Variants in CNIH3 observed in about 807,000 individuals in gnomAD.
CNIH3 encodes protein cornichon homolog 3.
In CNIH3, 14 loss-of-function variants were observed where a neutral mutation model predicts 24.1. That is an observed-to-expected ratio of 0.58 (90% CI 0.38 to 0.91). The LOEUF is 0.91. Ranked by LOEUF, CNIH3 falls within the 40% of genes least tolerant of loss-of-function variation. The pLI is 0.00. For synonymous variants in CNIH3, 68 were observed against 73.8 expected, an observed-to-expected ratio of 0.92 and a Z score of 0.40; for missense variants, 178 against 196.8, an observed-to-expected ratio of 0.90 and a Z score of 0.57.
chr1:224,687,745 C>T (rs376586894), intron 3 of CNIH3, among the ~76,000 whole-genome samples: 14 of 152,280 alleles, frequency 9.2e-5, no homozygotes, highest in South Asian at 8.3e-4. Flanking sequence ...TACACTGAGA[C>T]GGTGGGAGTT....
intron 1 of CNIH3, among the ~76,000 whole-genome samples, chr1:224,482,912 G>A (rs1178984499): frequency 2.0e-5 from 3 of 152,160 alleles, no homozygotes; most frequent in Admixed American, 6.5e-5. Context: ...TGAAATTCAA[G>A]TTCTGACCAG....
At chr1:224,727,256 T>C (rs892332749) in intron 3 of CNIH3, among the ~76,000 whole-genome samples, 2 of 152,140 alleles carry the variant, frequency 1.3e-5, no homozygotes, top group Non-Finnish European at 2.9e-5. Context: ...TCATATGAGA[T>C]AGGTTAAATC....
chr1:224,434,812 C>T (rs1316304735), exon 1 of CNIH3: 4 of 986,020 alleles, frequency 4.1e-6, no homozygotes, highest in Non-Finnish European at 4.8e-6. Flanking sequence ...TCCAGGCGCT[C>T]GCGTCACAGG....
chr1:224,518,503 T>C (rs7418904), intron 1 of CNIH3, among the ~76,000 whole-genome samples: 34,122 of 148,210 alleles, frequency 0.23, 4,148 homozygotes, highest in African/African-American at 0.33. Flanking sequence ...TTTGAAGCCT[T>C]TTTTTTTTTT....
intron 1 of CNIH3, among the ~76,000 whole-genome samples, chr1:224,470,466 C>T (rs930583160): frequency 3.3e-5 from 5 of 151,940 alleles, no homozygotes; most frequent in African/African-American, 1.2e-4. Flanking sequence ...AGGTGTGTGC[C>T]ACCAGGCCCA....
In CNIH3 at chr1:224,730,524, G is replaced by C; in HGVS notation, c.261G>C (p.Glu87Asp). 1 of 1,561,936 alleles carries C rather than the reference G, an allele frequency of 6.4e-7. No individual in the cohort carries two copies. The highest frequency in any genetic ancestry group is 1.3e-5 in the African/African-American group (1 of 74,136). ...LFCIMFLCAQ[E>D]WLTLGLNVPL... is the part of the protein sequence containing the mutation. ...GCATTATGTTCCTGTGTGCGCAAGA[G>C]TGGCTCACGCTGGGGCTGAATGTCC... Residue 87 changes from glutamate to aspartate, a missense_variant, in exon 4 of 6, where the codon GAG becomes GAC. Coordinates refer to ENST00000272133, the MANE Select transcript of CNIH3 (RefSeq NM_152495.2).
At chr1:224,564,664 C>T (rs1680507803) in intron 3 of CNIH3, among the ~76,000 whole-genome samples, 2 of 152,256 alleles carry the variant, frequency 1.3e-5, no homozygotes, top group Admixed American at 6.5e-5. Flanking sequence ...CTGGGGTTTA[C>T]ATGCTTTGGA....
intron 1 of CNIH3, among the ~76,000 whole-genome samples, chr1:224,632,954 C>T (rs1343759557): frequency 6.6e-6 from 1 of 152,156 alleles, no homozygotes; most frequent in Non-Finnish European, 1.5e-5. Flanking sequence ...CTGCATCCCC[C>T]TGGACCTTTT....
At chr1:224,513,922 G>A (rs892838488), upstream of CNIH3, 4 of 152,234 alleles carry the variant, frequency 2.6e-5, no homozygotes, top group East Asian at 5.8e-4. Flanking sequence ...GTTTCTGCCG[G>A]GAGAGGGCGT....
intron 1 of CNIH3, among the ~76,000 whole-genome samples, chr1:224,506,483 T>C (rs1677924811): frequency 6.6e-6 from 1 of 152,232 alleles, no homozygotes; most frequent in South Asian, 2.1e-4. Context: ...GAGGATCTGC[T>C]GGCAGTCCCC....
chr1:224,719,414 A>G (rs1481086930), intron 3 of CNIH3, among the ~76,000 whole-genome samples: 5 of 152,202 alleles, frequency 3.3e-5, no homozygotes, highest in African/African-American at 9.7e-5. Context: ...TGCAAGTACT[A>G]GAGAGTGAAA....
chr1:224,668,181 G>A (rs543909875), intron 1 of CNIH3, among the ~76,000 whole-genome samples: 1 of 152,188 alleles, frequency 6.6e-6, no homozygotes, highest in Non-Finnish European at 1.5e-5. Context: ...TTAGATCAAT[G>A]ATGATGTCTC....
intron 1 of CNIH3, among the ~76,000 whole-genome samples, chr1:224,482,955 A>G (rs566507142): frequency 2.0e-5 from 3 of 152,158 alleles, no homozygotes; most frequent in Non-Finnish European, 4.4e-5. Flanking sequence ...GCTAGGGTTG[A>G]TCTAAATCAT....
At position 224,703,877 on chromosome 1, in the gene CNIH3, T is replaced by G. The variant is rs538022251; in HGVS notation, c.198+19034T>G. Among the ~76,000 whole-genome samples, 16 of 152,332 alleles carry G rather than the reference T, an allele frequency of 1.1e-4. No individual in the cohort carries two copies. The highest frequency in any genetic ancestry group is 3.4e-4 in the African/African-American group (14 of 41,572). ...GCAGAACAAGATGAGCACCTGCATA[T>G]TCTCCCTGCAGCACACCTGAGTCGC... On this transcript the variant is annotated intron_variant, in intron 3 of 5. Coordinates refer to ENST00000272133, the MANE Select transcript of CNIH3 (RefSeq NM_152495.2). This position sits in a 1 kb window ranked among gnomAD's most constrained non-coding sequence, Gnocchi z 4.2.
At chr1:224,546,804 C>G in intron 2 of CNIH3, 1 of 646,986 alleles carries the variant, frequency 1.5e-6, no homozygotes, top group Non-Finnish European at 1.9e-6. Context: ...CCATTCAAGT[C>G]TGTATCTCCC....
At chr1:224,654,427 A>T (rs767732492) in intron 1 of CNIH3, among the ~76,000 whole-genome samples, 2 of 152,216 alleles carry the variant, frequency 1.3e-5, no homozygotes, top group Non-Finnish European at 2.9e-5. Context: ...AATAGCCCAG[A>T]TGCATGCCTC....
At chr1:224,609,331 T>A (rs1284287236) in intron 3 of CNIH3, among the ~76,000 whole-genome samples, 1 of 152,168 alleles carries the variant, frequency 6.6e-6, no homozygotes, top group Non-Finnish European at 1.5e-5. Context: ...AATTTTATAA[T>A]AAACACTCAA....
rs1686570916 is a variant in CNIH3 at position 224,684,765 on chromosome 1, C to G, written c.151-31C>G. 2 of 1,605,572 alleles carry G rather than the reference C, an allele frequency of 1.2e-6. No individual in the cohort carries two copies. Among genetic ancestry groups the G allele is most frequent in the South Asian group, 1.1e-5 (1 of 90,932 alleles). On this transcript the variant is annotated intron_variant, in intron 2 of 5. Coordinates refer to ENST00000272133, the MANE Select transcript of CNIH3 (RefSeq NM_152495.2). This position sits in a 1 kb window ranked among gnomAD's most constrained non-coding sequence, Gnocchi z 4.2. ...TATTTTAGCAGAACCCCTAACCTCC[C>G]CTCTCATTTCTTTCTTGTGCATCCT...
intron 1 of CNIH3, among the ~76,000 whole-genome samples, chr1:224,443,488 G>A (rs1255000792): frequency 2.6e-5 from 4 of 152,094 alleles, no homozygotes; most frequent in Non-Finnish European, 4.4e-5. Context: ...GATGAGGCTC[G>A]ATAGCATAAG....
Sources: allele counts gnomAD v4.1 joint callset (sites outside exome capture counted in the v4.1 genomes callset), GRCh38; gene constraint gnomAD v4.1.1; non-coding constraint Gnocchi (gnomAD v3.1); transcripts MANE v1.5; gene names NCBI Gene and HGNC (gene_info 2026-07-23, HGNC 2026-07-21).